The following ZCCHC14 variants were observed in gnomAD, a reference collection of about 807,000 sequenced individuals.
The protein encoded by ZCCHC14 is zinc finger CCHC-type containing 14, also known as zinc finger CCHC domain-containing protein 14.
ZCCHC14 carries 16 observed loss-of-function variants against 85.0 expected under a neutral mutation model. The observed-to-expected ratio is 0.19, with a 90% CI of 0.13 to 0.29. ZCCHC14 has a LOEUF of 0.29. Ranked by LOEUF, ZCCHC14 falls within the 10% of genes least tolerant of loss-of-function variation. The probability of loss-of-function intolerance (pLI) is 1.00; values close to 1 mark genes in which losing one functional copy is unlikely to be tolerated. For missense variants in ZCCHC14, 1,303 were observed against 1,443.5 expected (o/e 0.90, Z 1.58); for synonymous variants, 775 against 630.7 (o/e 1.23, Z -3.43).
At chr16:87,460,273 C>T in intron 1 of ZCCHC14, 142 bp from the exon 2 acceptor site, 1 of 1,189,208 alleles carries the variant, frequency 8.4e-7, no homozygotes, top group Non-Finnish European at 1.1e-6. Flanking sequence ...TAAGCCTTCC[C>T]CAAGAAAGAT....
rs1912795008 is a variant in ZCCHC14 at position 87,492,065 on chromosome 16, C to A, written c.174G>T (p.Ser58=). 5 of 1,393,410 alleles carry A rather than the reference C, an allele frequency of 3.6e-6. No individual in the cohort carries two copies. Among genetic ancestry groups the A allele is most frequent in the African/African-American group, 1.5e-5 (1 of 65,254 alleles). The allele number at this position is 1,393,410 out of a possible 1,614,324, so 86.3% of individuals were successfully genotyped here. ...LEDLARKDYH[S]LRDSEIKANN... is the part of the protein sequence containing the mutation. ...TGGCCTTGATCTCCGAGTCGCGCAG[C>A]GAGTGGTAGTCCTTGCGGGCCAGGT... Residue 58 remains serine, a synonymous_variant, in exon 1 of 13, where the codon TCG becomes TCT. Coordinates refer to ENST00000671377, the MANE Select transcript of ZCCHC14 (RefSeq NM_015144.3). The surrounding 1 kb of genome is among the most constrained non-coding windows in gnomAD (Gnocchi z 6.7).
intron 1 of ZCCHC14, among the ~76,000 whole-genome samples, chr16:87,479,581 C>T (rs770214110): frequency 1.3e-5 from 2 of 152,078 alleles, no homozygotes; most frequent in African/African-American, 4.8e-5. Context: ...ACAAATGAAA[C>T]CTTAATTAGA....
Position 87,432,737 on chromosome 16 carries a change from G to A in ZCCHC14, c.768+391C>T, listed in dbSNP as rs116164786. On this transcript the variant is annotated intron_variant, in intron 3 of 12. Coordinates refer to ENST00000671377, the MANE Select transcript of ZCCHC14 (RefSeq NM_015144.3). ...AGTGACCAGCTCCCAGCATCTGAAC[G>A]TGTCAGTTTAAGGAGCGTTCCCTGC... is the stretch of plus-strand genomic sequence containing the variant. 4.5e-3 allele frequency among the ~76,000 whole-genome samples: 683 copies of A among 152,268 alleles called. 3 individuals carry two copies. The highest frequency in any genetic ancestry group is 0.015 in the African/African-American group (626 of 41,550).
At chr16:87,469,690 T>C (rs1336904263) in intron 1 of ZCCHC14, among the ~76,000 whole-genome samples, 1 of 152,142 alleles carries the variant, frequency 6.6e-6, no homozygotes, top group Non-Finnish European at 1.5e-5. Context: ...GACAATTAAA[T>C]TGCTTCAGTG....
In ZCCHC14 at chr16:87,491,766, G is replaced by T; in HGVS notation, c.473C>A (p.Thr158Lys). 1.9e-6 allele frequency: 3 copies of T among 1,587,628 alleles called. No homozygotes were observed. The highest frequency in any genetic ancestry group is 1.1e-5 in the South Asian group (1 of 87,998). The change falls in exon 1 of 13, where the codon ACG (threonine) becomes AAG (lysine). Residue 158 changes from threonine to lysine, a missense_variant. Physicochemically the swap from Thr to Lys is moderately conservative, Grantham distance 78. Coordinates refer to ENST00000671377, the MANE Select transcript of ZCCHC14 (RefSeq NM_015144.3). The surrounding 1 kb of genome is among the most constrained non-coding windows in gnomAD (Gnocchi z 5.9). ...HQKQVLRQEL[T>K]QIQSSLNGGG... ...GCCGTTCAGGCTGCTCTGGATCTGC[G>T]TGAGCTCCTGGCGCAGCACCTGCTT...
intron 6 of ZCCHC14, among the ~76,000 whole-genome samples, chr16:87,419,233 A>G (rs1908959926): frequency 6.6e-6 from 1 of 151,388 alleles, no homozygotes; most frequent in African/African-American, 2.4e-5. Context: ...GGTTCAAGTG[A>G]TTCTCCTGCC....
intron 1 of ZCCHC14, chr16:87,467,446 C>T (rs528374181): frequency 2.5e-6 from 4 of 1,605,142 alleles, no homozygotes; most frequent in Non-Finnish European, 3.4e-6. Context: ...AAAATGTCTG[C>T]CATTTCTGTT....
At chr16:87,477,031 G>A (rs1052757802) in intron 1 of ZCCHC14, among the ~76,000 whole-genome samples, 1 of 150,290 alleles carries the variant, frequency 6.7e-6, no homozygotes, top group Non-Finnish European at 1.5e-5. Context: ...AGGCTGAGGC[G>A]GGAGAATTGC....
intron 3 of ZCCHC14, among the ~76,000 whole-genome samples, chr16:87,431,594 A>G (rs886738052): frequency 6.6e-6 from 1 of 152,190 alleles, no homozygotes; most frequent in Non-Finnish European, 1.5e-5. Flanking sequence ...CCTCACCACA[A>G]ATAACTGGAC....
chr16:87,429,956 G>C (rs1909567285), intron 3 of ZCCHC14, among the ~76,000 whole-genome samples: 1 of 152,188 alleles, frequency 6.6e-6, no homozygotes, highest in Non-Finnish European at 1.5e-5. Flanking sequence ...TATACATTTT[G>C]AACATATAAA....
At chr16:87,474,947 C>T (rs558243642) in intron 1 of ZCCHC14, among the ~76,000 whole-genome samples, 1 of 152,356 alleles carries the variant, frequency 6.6e-6, no homozygotes, top group South Asian at 2.1e-4. Flanking sequence ...TCCAGCCAAA[C>T]TGACTGCCTG....
At chr16:87,476,264 G>C (rs1343756206) in intron 1 of ZCCHC14, among the ~76,000 whole-genome samples, 2 of 152,174 alleles carry the variant, frequency 1.3e-5, no homozygotes, top group Non-Finnish European at 2.9e-5. Context: ...AACTGGATCG[G>C]TAAGGAATGA....
rs11313581 is a variant in ZCCHC14, at chr16:87,467,031, GAA to G, written c.571-6902_571-6901del. 1.1e-3 allele frequency: 353 copies of G among 332,556 alleles called. 1 individual carries two copies. Among genetic ancestry groups the G allele is most frequent in the South Asian group, 1.8e-3 (49 of 27,934 alleles). The allele number at this position is 332,556 out of a possible 1,614,324, so 20.6% of individuals were successfully genotyped here. On this transcript the variant is annotated intron_variant, in intron 1 of 12. Coordinates refer to ENST00000671377, the MANE Select transcript of ZCCHC14 (RefSeq NM_015144.3). ...ACTTTGGAGGTCACGTGTTTTTCAT[GAA>G]AAAAAAAAATTGTTTTTTTTTTTTT...
chr16:87,432,162 T>C (rs1460615276), intron 3 of ZCCHC14, among the ~76,000 whole-genome samples: 2 of 152,102 alleles, frequency 1.3e-5, no homozygotes, highest in Non-Finnish European at 2.9e-5. Flanking sequence ...GAGAGCACTC[T>C]CCAATGACGC....
chr16:87,437,311 TGG>T (rs1256636959), intron 2 of ZCCHC14, among the ~76,000 whole-genome samples: 1 of 120,598 alleles, frequency 8.3e-6, no homozygotes, highest in African/African-American at 3.3e-5. Context: ...CACTCCAGCC[TGG>T]GCAACAAGAG....
In ZCCHC14 at chr16:87,467,331, G is replaced by A. The variant is rs1911571328; in HGVS notation, c.571-7200C>T. 6 of 1,590,782 alleles carry A rather than the reference G, an allele frequency of 3.8e-6. No individual in the cohort carries two copies. In the South Asian group the frequency reaches 6.6e-5, roughly 18 times the overall value. ...TGTAACACTGCCCCAAGCGAAAACA[G>A]AAAAAGATTTCATCCAACTCTGCAC... On this transcript the variant is annotated intron_variant, in intron 1 of 12. Coordinates refer to ENST00000671377, the MANE Select transcript of ZCCHC14 (RefSeq NM_015144.3).
chr16:87,427,549 TA>T (rs1909436781), intron 3 of ZCCHC14, among the ~76,000 whole-genome samples: 2 of 152,044 alleles, frequency 1.3e-5, no homozygotes, highest in Non-Finnish European at 2.9e-5. Flanking sequence ...AGTGAAAAAA[TA>T]AACTTTGAAA....
At chr16:87,486,170 T>C (rs1399524864) in intron 1 of ZCCHC14, among the ~76,000 whole-genome samples, 2 of 152,130 alleles carry the variant, frequency 1.3e-5, no homozygotes, top group Non-Finnish European at 2.9e-5. Context: ...CATTACACAG[T>C]AGATGGCAGT....
intron 8 of ZCCHC14, among the ~76,000 whole-genome samples, chr16:87,416,670 C>T (rs544317893): frequency 6.6e-6 from 1 of 152,184 alleles, no homozygotes; most frequent in Non-Finnish European, 1.5e-5. Flanking sequence ...GCAGGAGAAT[C>T]GCTTGAACCC....
Sources: allele counts gnomAD v4.1 joint callset (sites outside exome capture counted in the v4.1 genomes callset), GRCh38; gene constraint gnomAD v4.1.1; non-coding constraint Gnocchi (gnomAD v3.1); transcripts MANE v1.5; gene names NCBI Gene and HGNC (gene_info 2026-07-23, HGNC 2026-07-21).